Variants in PAPPA2 observed in about 807,000 individuals in gnomAD.
PAPPA2 encodes pappalysin-2.
PAPPA2 carries 86 observed loss-of-function variants against 176.4 expected under a neutral mutation model. The observed-to-expected ratio is 0.49, with a 90% CI of 0.41 to 0.58. The LOEUF (loss-of-function observed/expected upper bound fraction) is 0.58. Ranked by LOEUF, PAPPA2 falls within the 20% of genes least tolerant of loss-of-function variation. The probability of loss-of-function intolerance (pLI) is 0.00; values close to 1 mark genes in which losing one functional copy is unlikely to be tolerated. For synonymous variants in PAPPA2, 809 were observed against 852.2 expected (o/e 0.95, Z 0.88); for missense variants, 2,073 against 2,256.9 (o/e 0.92, Z 1.65).
intron 6 of PAPPA2, among the ~76,000 whole-genome samples, chr1:176,692,628 C>T (rs1004080443): frequency 1.3e-5 from 2 of 152,150 alleles, no homozygotes; most frequent in African/African-American, 4.8e-5. Flanking sequence ...GTCAGCTGTT[C>T]CTCTGTGGCA....
intron 3 of PAPPA2, among the ~76,000 whole-genome samples, chr1:176,636,163 A>G (rs1656689118): frequency 6.6e-6 from 1 of 152,194 alleles, no homozygotes; most frequent in African/African-American, 2.4e-5. Flanking sequence ...ACACAATAGT[A>G]TAGTGACAGT....
chr1:176,807,497 C>CTTTT (rs1156629514), intron 21 of PAPPA2, among the ~76,000 whole-genome samples: 19 of 137,766 alleles, frequency 1.4e-4, no homozygotes, highest in East Asian at 4.2e-4. Flanking sequence ...TTCTTTCTTT[C>CTTTT]TTTTTTTTTT....
chr1:176,641,134 G>C (rs1657063268), intron 3 of PAPPA2, among the ~76,000 whole-genome samples: 2 of 150,528 alleles, frequency 1.3e-5, no homozygotes, highest in African/African-American at 4.9e-5. Flanking sequence ...CTCCCATTTT[G>C]TAGGTTGCCT....
At chr1:176,638,928 A>G (rs1427388857) in intron 3 of PAPPA2, among the ~76,000 whole-genome samples, 1 of 138,658 alleles carries the variant, frequency 7.2e-6, no homozygotes, top group African/African-American at 2.9e-5. Context: ...GTGTGTGTGC[A>G]TGTGCATGTG....
rs777708260 is a variant in PAPPA2, at chr1:176,690,142, A to G, written c.2143A>G (p.Ile715Val). 2.5e-6 allele frequency: 4 copies of G among 1,598,158 alleles called. No homozygotes were observed. The highest frequency in any genetic ancestry group is 2.6e-6 in the Non-Finnish European group (3 of 1,167,474). ...TTTCAAAACTTTCATTGCAGGTGGC[A>G]TTGTCCTCAGCCCAGCATATTATGG... ...DKDAVTHLGG[I>V]VLSPAYYGMP... The change falls in exon 5 of 23, where the codon ATT becomes GTT. Residue 715 changes from isoleucine (I) to valine (V), a missense_variant. Physicochemically the swap from Ile to Val is conservative, Grantham distance 29 (BLOSUM62 3). Coordinates refer to ENST00000367662, the MANE Select transcript of PAPPA2 (RefSeq NM_020318.3).
chr1:176,764,675 C>T (rs1004124445), intron 14 of PAPPA2, among the ~76,000 whole-genome samples: 15 of 151,190 alleles, frequency 9.9e-5, no homozygotes, highest in Non-Finnish European at 1.5e-4. Context: ...GGGCTCACTG[C>T]AAGCTCCGCC....
chr1:176,560,156 T>G (rs1353806293), intron 2 of PAPPA2, among the ~76,000 whole-genome samples: 3 of 147,916 alleles, frequency 2.0e-5, no homozygotes, highest in Admixed American at 6.6e-5. Context: ...TGGGGTCAGC[T>G]TTATGCAAGT....
In PAPPA2 at chr1:176,746,919, G is replaced by A. The variant is rs113733541; in HGVS notation, c.4151+6723G>A. Among the ~76,000 whole-genome samples the A allele has an allele frequency of 2.6e-4, 39 of 152,222 alleles. 2 individuals carry two copies. The highest frequency in any genetic ancestry group is 4.8e-4 in the African/African-American group (20 of 41,534). On this transcript the variant is annotated intron_variant, in intron 14 of 22. Coordinates refer to ENST00000367662, the MANE Select transcript of PAPPA2 (RefSeq NM_020318.3). The stretch of plus-strand genomic sequence containing the variant: ...TGTTTGCATGTGTGTATTCATGTGC[G>A]TTTGTGTATAGAAAGAGATAGACTG...
intron 1 of PAPPA2, among the ~76,000 whole-genome samples, chr1:176,539,265 G>A (rs991522147): frequency 2.0e-5 from 3 of 152,128 alleles, no homozygotes; most frequent in Admixed American, 6.5e-5. Flanking sequence ...TATGAGCTGG[G>A]GCTGAATAAA....
At chr1:176,834,385 T>C (rs781065692) in intron 21 of PAPPA2, among the ~76,000 whole-genome samples, 9 of 152,208 alleles carry the variant, frequency 5.9e-5, no homozygotes, top group Admixed American at 1.3e-4. Flanking sequence ...TGTGTCATCA[T>C]TGGGACCCTC....
chr1:176,779,476 T>TCACACACACACACACA (rs376976102), intron 17 of PAPPA2, among the ~76,000 whole-genome samples: 5 of 126,906 alleles, frequency 3.9e-5, no homozygotes, highest in East Asian at 2.5e-4. Flanking sequence ...TCCATACTCA[T>TCACACACACACACACA]CACACACACA....
chr1:176,710,019 G>A lies in PAPPA2; in HGVS notation c.3494G>A (p.Gly1165Asp). Residue 1165 changes from glycine (G) to aspartate (D), a missense_variant, in exon 11 of 23, where the codon GGC becomes GAC. Around this residue, in one of 4 missense-constraint regions of PAPPA2, gnomAD observed 846 missense variants for 857.9 expected, o/e 0.99. Transcript: ENST00000367662. ...PSLCYMYEGD[G>D]ICEPFERKTS... ...CTTTGCTACATGTATGAGGGAGATG[G>A]CATATGTGAACCTTTTGAGAGAAAA... 1.2e-6 allele frequency: 2 copies of A among 1,612,752 alleles called. No homozygotes were observed. Among genetic ancestry groups the A allele is most frequent in the Admixed American group, 1.7e-5 (1 of 59,938 alleles).
intron 3 of PAPPA2, among the ~76,000 whole-genome samples, chr1:176,599,297 G>A (rs1206906477): frequency 2.0e-5 from 3 of 151,866 alleles, no homozygotes; most frequent in African/African-American, 7.3e-5. Flanking sequence ...ATTTTTTAGG[G>A]ATTGCCTTTT....
At chr1:176,492,330 G>A (rs1273840693) in intron 1 of PAPPA2, among the ~76,000 whole-genome samples, 1 of 152,130 alleles carries the variant, frequency 6.6e-6, no homozygotes, top group African/African-American at 2.4e-5. Flanking sequence ...CTAAGAGTGA[G>A]AAAAATATTT....
At chr1:176,786,434 A>G (rs947782439) in intron 17 of PAPPA2, among the ~76,000 whole-genome samples, 1 of 152,196 alleles carries the variant, frequency 6.6e-6, no homozygotes, top group African/African-American at 2.4e-5. Flanking sequence ...CATGTTCTGT[A>G]TCTTGATCTG....
intron 17 of PAPPA2, among the ~76,000 whole-genome samples, chr1:176,784,894 G>A (rs1664868853): frequency 6.6e-6 from 1 of 152,054 alleles, no homozygotes; most frequent in African/African-American, 2.4e-5. Context: ...CCAGATGATT[G>A]TCTGTTTTCT....
At chr1:176,708,523 G>A (rs925054735) in intron 10 of PAPPA2, among the ~76,000 whole-genome samples, 10 of 133,480 alleles carry the variant, frequency 7.5e-5, no homozygotes, top group Non-Finnish European at 1.3e-4. Flanking sequence ...AAAACTATAC[G>A]TACATGTAGA....
chr1:176,761,391 C>T lies in PAPPA2; in HGVS notation c.4152-4275C>T, dbSNP rs181467789. On this transcript the variant is annotated intron_variant, in intron 14 of 22. Transcript: ENST00000367662. The stretch of plus-strand genomic sequence containing the variant: ...TACATCATATTCTTACCTGAGAACA[C>T]GTTGTAATGGGGTGGGGAAAGAGCT... Among the ~76,000 whole-genome samples, 7 of 152,140 alleles carry T rather than the reference C, an allele frequency of 4.6e-5. No individual in the cohort carries two copies. In the South Asian group the frequency reaches 1.0e-3, roughly 23 times the overall value.
chr1:176,792,076 G>C (rs1665200845), intron 19 of PAPPA2, among the ~76,000 whole-genome samples: 1 of 152,220 alleles, frequency 6.6e-6, no homozygotes, highest in Non-Finnish European at 1.5e-5. Context: ...TGTTACTGGA[G>C]TGGAGAATTA....
Sources: gnomAD v4.1 joint callset for allele counts (sites outside exome capture counted in the v4.1 genomes callset) on GRCh38, gnomAD v4.1.1 for gene constraint, gnomAD v4.1.1 regional missense constraint, MANE v1.5 for transcripts, NCBI Gene and HGNC (gene_info 2026-07-23, HGNC 2026-07-21) for gene names.